AMMECR1: variants seen among roughly 807,000 people sequenced by gnomAD.
AMMECR1 encodes nuclear protein AMMECR1.
In AMMECR1, 3 loss-of-function variants were observed where a neutral mutation model predicts 22.5. The ratio of observed to expected loss-of-function variants is 0.13; its 90% CI spans 0.06 to 0.35. The LOEUF (loss-of-function observed/expected upper bound fraction) is 0.35, where lower values mean the gene tolerates loss of function less well. AMMECR1 is among the 10% of genes least tolerant of loss of function. The pLI is 1.00. For missense variants in AMMECR1, 235 were observed against 278.7 expected (o/e 0.84, Z 1.12); for synonymous variants, 130 against 116.7 (o/e 1.11, Z -0.74).
intron 1 of AMMECR1, among the ~76,000 whole-genome samples, chrX:110,435,975 C>G (rs929542942): frequency 8.9e-6 from 1 of 112,267 alleles, no homozygotes; most frequent in African/African-American, 3.2e-5. Flanking sequence ...GTAAGTTGTT[C>G]AAGGTCACAC....
chrX:110,287,199 C>T (rs1440127027), intron 1 of AMMECR1, among the ~76,000 whole-genome samples: 8 of 112,204 alleles, frequency 7.1e-5, no homozygotes, highest in Non-Finnish European at 1.9e-5. Flanking sequence ...TGTTACCTTT[C>T]CATACAGAAA....
At chrX:110,344,292 T>C (rs1477259183) in intron 2 of AMMECR1, among the ~76,000 whole-genome samples, 1 of 112,360 alleles carries the variant, frequency 8.9e-6, no homozygotes, top group Non-Finnish European at 1.9e-5. Flanking sequence ...GCTAGCCATA[T>C]GTAGAAAGCT....
chrX:110,321,049 G>C (rs2068076978), upstream of AMMECR1, among the ~76,000 whole-genome samples: 1 of 111,580 alleles, frequency 9.0e-6, no homozygotes, highest in Non-Finnish European at 1.9e-5. Flanking sequence ...TCCTGGCCTT[G>C]TTTTCTTGTA....
At chrX:110,344,868 G>A (rs777147008) in intron 2 of AMMECR1, among the ~76,000 whole-genome samples, 1 of 112,072 alleles carries the variant, frequency 8.9e-6, no homozygotes, top group Admixed American at 9.4e-5. Context: ...AGGATGTGGA[G>A]AAATAGGAAT....
intron 2 of AMMECR1, among the ~76,000 whole-genome samples, chrX:110,381,957 G>T (rs369300136): frequency 1.7e-4 from 19 of 111,187 alleles, no homozygotes; most frequent in African/African-American, 6.2e-4. Flanking sequence ...TCAGCATCAT[G>T]CAGTACACCC....
chrX:110,411,446 C>T (rs192133742), intron 2 of AMMECR1, among the ~76,000 whole-genome samples: 1 of 112,091 alleles, frequency 8.9e-6, no homozygotes, highest in African/African-American at 3.2e-5. Flanking sequence ...TATCTCACTC[C>T]TTATTCCAAA....
chrX:110,265,331 G>A (rs928500738), intron 1 of AMMECR1, among the ~76,000 whole-genome samples: 6 of 111,886 alleles, frequency 5.4e-5, no homozygotes, highest in African/African-American at 1.9e-4. Context: ...TCAGAGAGGT[G>A]AAGGGCAACA....
At chrX:110,205,312 G>A (rs1485413230) in intron 3 of AMMECR1, among the ~76,000 whole-genome samples, 1 of 111,665 alleles carries the variant, frequency 9.0e-6, no homozygotes, top group Non-Finnish European at 1.9e-5. Context: ...GCAATGAAAT[G>A]AGCACCAAAA....
At chrX:110,372,767 C>G (rs2068348329) in intron 2 of AMMECR1, among the ~76,000 whole-genome samples, 1 of 111,304 alleles carries the variant, frequency 9.0e-6, no homozygotes, top group South Asian at 3.8e-4. Context: ...CTGTCAGATT[C>G]CAGAGACAAG....
At chrX:110,289,840 T>C (rs947984283) in intron 1 of AMMECR1, among the ~76,000 whole-genome samples, 2 of 111,995 alleles carry the variant, frequency 1.8e-5, no homozygotes, top group Admixed American at 1.9e-4. Flanking sequence ...GAAAACATCC[T>C]GCATGTTACA....
chrX:110,300,919 C>T (rs1252395966), intron 1 of AMMECR1, among the ~76,000 whole-genome samples: 1 of 111,104 alleles, frequency 9.0e-6, no homozygotes, highest in Non-Finnish European at 1.9e-5. Context: ...TCCTTCAGTT[C>T]TTTGAAGAGG....
chrX:110,211,643 A>G (rs1206344188), intron 3 of AMMECR1, among the ~76,000 whole-genome samples: 4 of 112,594 alleles, frequency 3.6e-5, no homozygotes, highest in Non-Finnish European at 5.6e-5. Flanking sequence ...AACACAAAGC[A>G]TATCATGTCA....
At chrX:110,320,876 T>C (rs765470762), upstream of AMMECR1, among the ~76,000 whole-genome samples, 5 of 112,292 alleles carry the variant, frequency 4.5e-5, no homozygotes, top group Non-Finnish European at 9.4e-5. Flanking sequence ...TTGTATTGGC[T>C]GACTAAAAGG....
intron 2 of AMMECR1, among the ~76,000 whole-genome samples, chrX:110,336,887 A>G (rs776017954): frequency 9.0e-6 from 1 of 111,505 alleles, no homozygotes; most frequent in East Asian, 2.8e-4. Flanking sequence ...TGAGAGATAG[A>G]ATGCCCAAAT....
chrX:110,344,265 T>C (rs930035544), intron 2 of AMMECR1, among the ~76,000 whole-genome samples: 14 of 112,171 alleles, frequency 1.2e-4, no homozygotes, highest in Non-Finnish European at 2.1e-4. Flanking sequence ...ATTTAACAAA[T>C]GGTGCTGGGA....
At position 110,200,910 on chromosome X, in the gene AMMECR1, C is replaced by A. The variant is rs7879171; in HGVS notation, c.887+44G>T. ...ATCAAAGGGTTATAGGCATACACAT[C>A]AAAATGTACAGGTTAGCCTTGTGCT... is the stretch of plus-strand genomic sequence containing the variant. On this transcript the variant is annotated intron_variant, in intron 5 of 5. Transcript: ENST00000262844. 6,151 of 994,453 alleles carry A rather than the reference C, an allele frequency of 6.2e-3. 221 individuals carry two copies. The African/African-American group carries it at 0.1, about 17-fold the overall frequency. 82.0% of individuals were successfully genotyped at this position (994,453 alleles called of 1,213,427 possible). A position where few individuals can be genotyped will look rare whatever the true frequency, so the allele number is the denominator to read the frequency against.
intron 2 of AMMECR1, among the ~76,000 whole-genome samples, chrX:110,421,112 T>C (rs1462863456): frequency 8.9e-6 from 1 of 112,544 alleles, no homozygotes; most frequent in East Asian, 2.8e-4. Context: ...TTTAAGGTTC[T>C]CATCCAGCCC....
At chrX:110,409,601 TTCA>T (rs1313155177) in intron 2 of AMMECR1, among the ~76,000 whole-genome samples, 1 of 110,581 alleles carries the variant, frequency 9.0e-6, no homozygotes, top group Non-Finnish European at 1.9e-5. Context: ...TGTCTTGGCC[TTCA>T]GGCAGATCCA....
At chrX:110,224,055 T>A (rs1307318525) in intron 2 of AMMECR1, among the ~76,000 whole-genome samples, 1 of 111,893 alleles carries the variant, frequency 8.9e-6, no homozygotes, top group African/African-American at 3.3e-5. Context: ...GTGCCTTTAC[T>A]AACCTACTCA....
Sources: gnomAD v4.1 joint callset for allele counts (sites outside exome capture counted in the v4.1 genomes callset) on GRCh38, gnomAD v4.1.1 for gene constraint, MANE v1.5 for transcripts, NCBI Gene and HGNC (gene_info 2026-07-23, HGNC 2026-07-21) for gene names.